Variants in COPE observed in about 807,000 individuals in gnomAD.
COPE encodes the protein coat protein complex I subunit epsilon.
In COPE, 19 loss-of-function variants were observed where a neutral mutation model predicts 42.1. The ratio of observed to expected loss-of-function variants is 0.45; its 90% CI spans 0.31 to 0.66. The LOEUF is 0.66. COPE is among the 30% of genes least tolerant of loss of function. COPE has a pLI of 0.05. For missense variants in COPE, 402 were observed against 416.1 expected (o/e 0.97, Z 0.30); for synonymous variants, 195 against 181.3 (o/e 1.08, Z -0.60).
chr19:18,900,241 G>A (rs1463156716), intron 8 of COPE, 140 bp downstream of exon 8: 3 of 716,974 alleles, frequency 4.2e-6, no homozygotes, highest in Admixed American at 2.9e-5. Flanking sequence ...GGGGGCACAG[G>A]GTTTGTGAGG....
chr19:18,914,538 C>A (rs1483300546), intron 1 of COPE, among the ~76,000 whole-genome samples: 1 of 151,786 alleles, frequency 6.6e-6, no homozygotes, highest in Admixed American at 6.6e-5. Context: ...AAGACTCCAT[C>A]TCAATAAAAA....
At chr19:18,912,534 G>A (rs1464693868) in intron 2 of COPE, among the ~76,000 whole-genome samples, 3 of 151,916 alleles carry the variant, frequency 2.0e-5, no homozygotes, top group Non-Finnish European at 4.4e-5. Flanking sequence ...TGAGGCAGGT[G>A]GATCATGAAG....
intron 1 of COPE, among the ~76,000 whole-genome samples, chr19:18,913,964 C>T (rs1194565913): frequency 6.6e-6 from 1 of 152,180 alleles, no homozygotes; most frequent in Non-Finnish European, 1.5e-5. Flanking sequence ...TCTCCCCAGC[C>T]TGAGGGAGGA....
intron 4 of COPE, chr19:18,906,647 G>A (rs1410770563): frequency 1.5e-5 from 4 of 265,016 alleles, no homozygotes; most frequent in South Asian, 7.9e-5. Context: ...GCCCAGGGCC[G>A]AGACACAGAA....
chr19:18,917,715 G>A (rs571597727), intron 1 of COPE, among the ~76,000 whole-genome samples: 4 of 152,112 alleles, frequency 2.6e-5, no homozygotes, highest in Non-Finnish European at 5.9e-5. Flanking sequence ...GTAAAACACA[G>A]AAAGACAGCT....
Position 18,907,000 on chromosome 19 carries a change from C to T in COPE, c.403G>A (p.Ala135Thr). Reference sequence around the variant, plus strand: ...CCCTGGTGCAGCGCACGCAGGGCGGCATCCGGGTTCTGGTCGTGGAGATAG... The same window carrying T: ...CCCTGGTGCAGCGCACGCAGGGCGGTATCCGGGTTCTGGTCGTGGAGATAG... ...SIYLHDQNPDAALRALHQGDS... is the reference protein window; with the variant it reads ...SIYLHDQNPDTALRALHQGDS... Residue 135 changes from alanine (A) to threonine (T), a missense_variant, in exon 4 of 10, where the codon GCC (alanine) becomes ACC (threonine). Ala to Thr is a moderately conservative substitution (Grantham distance 58). Transcript: ENST00000262812. 1 of 1,585,076 alleles carries T rather than the reference C, an allele frequency of 6.3e-7. No homozygotes were observed. The highest frequency in any genetic ancestry group is 8.6e-7 in the Non-Finnish European group (1 of 1,165,982).
intron 9 of COPE, 55 bp from the exon 10 acceptor site, chr19:18,899,781 G>A: frequency 6.2e-7 from 1 of 1,611,422 alleles, no homozygotes; most frequent in Non-Finnish European, 8.5e-7. Flanking sequence ...GGAGACAGGT[G>A]GAGGGAGAGA....
chr19:18,900,016 A>G (rs1358380592), intron 8 of COPE, 69 bp from the exon 9 acceptor site: 9 of 1,356,136 alleles, frequency 6.6e-6, no homozygotes, highest in Non-Finnish European at 9.1e-6. Flanking sequence ...CCTGCTGGAC[A>G]GGGGTGGATT....
At chr19:18,916,170 G>C (rs1294360309) in intron 1 of COPE, among the ~76,000 whole-genome samples, 1 of 152,098 alleles carries the variant, frequency 6.6e-6, no homozygotes, top group African/African-American at 2.4e-5. Context: ...GGGCAACAGA[G>C]CAAGACTCCA....
At chr19:18,907,180 C>T in intron 3 of COPE, 68 bp from the exon 4 acceptor site, 12 of 1,541,386 alleles carry the variant, frequency 7.8e-6, no homozygotes, top group Non-Finnish European at 9.6e-6. Context: ...GGGTCCCCTT[C>T]CTTGGAAGCA....
At chr19:18,904,292 A>T (rs1047814405) in intron 6 of COPE, among the ~76,000 whole-genome samples, 1 of 152,232 alleles carries the variant, frequency 6.6e-6, no homozygotes, top group Non-Finnish European at 1.5e-5. Context: ...AGGCCCACAC[A>T]AAAGAGTGGC....
In COPE at chr19:18,919,202, C is replaced by G. The variant is rs780006224; in HGVS notation, c.126+21G>C. The G allele has an allele frequency of 5.6e-6, 9 of 1,597,612 alleles. No individual in the cohort carries two copies. In the East Asian group the frequency reaches 6.7e-5, roughly 12 times the overall value. On this transcript the variant is annotated intron_variant, in intron 1 of 9. Transcript: ENST00000262812. The stretch of plus-strand genomic sequence containing the variant: ...CCTCCGCCTCCGCCCCCAGCGTCCC[C>G]GCGCCCCTGCGCGGCCGCACCTTCA...
At chr19:18,919,097 G>T in intron 1 of COPE, 126 bp downstream of exon 1, 1 of 935,780 alleles carries the variant, frequency 1.1e-6, no homozygotes, top group Non-Finnish European at 1.6e-6. Flanking sequence ...CTGAACTGTG[G>T]AAGAGGTGGC....
In COPE at chr19:18,911,011, C is replaced by T. The variant is rs377139497; in HGVS notation, c.250G>A (p.Val84Met). Reference sequence around the variant, plus strand: ...GCGAGGTAGTCAGCAAACATGCGCACGGCCTGGAGCTCAGGGGCCGAGGAG... The same window carrying T: ...GCGAGGTAGTCAGCAAACATGCGCATGGCCTGGAGCTCAGGGGCCGAGGAG... ...KPSSAPELQA[V>M]RMFADYLAHE... is the part of the protein sequence containing the mutation. Residue 84 changes from valine to methionine, a missense_variant, in exon 3 of 10, where the codon GTG (valine) becomes ATG (methionine). Val to Met is a conservative substitution (Grantham distance 21). Coordinates refer to ENST00000262812, the MANE Select transcript of COPE (RefSeq NM_007263.4). 19 of 1,613,892 alleles carry T rather than the reference C, an allele frequency of 1.2e-5. No homozygotes were observed. Among genetic ancestry groups the T allele is most frequent in the Admixed American group, 5.0e-5 (3 of 60,006 alleles).
Position 18,905,627 on chromosome 19 carries a change from G to A in COPE, c.446C>T (p.Thr149Ile). The change falls in exon 5 of 10, where the codon ACA (threonine) becomes ATA (isoleucine). Residue 149 changes from threonine to isoleucine, a missense_variant and splice_region_variant. By Grantham distance (89) the Thr-to-Ile change is moderately conservative (BLOSUM62 -1). Transcript: ENST00000262812. ...CAGCAGGATCTGCACTGTCATGGCT[G>A]TGCTGCAGGACAGGGCGAGGGGGCG... ...ALHQGDSLEC[T>I]AMTVQILLKL... 1 of 1,592,670 alleles carries A rather than the reference G, an allele frequency of 6.3e-7. No individual in the cohort carries two copies. The highest frequency in any genetic ancestry group is 8.5e-7 in the Non-Finnish European group (1 of 1,177,476).
At chr19:18,905,448 C>T in intron 5 of COPE, 128 bp downstream of exon 5, 1 of 958,456 alleles carries the variant, frequency 1.0e-6, no homozygotes, top group Non-Finnish European at 1.5e-6. Flanking sequence ...CGACAGCAAG[C>T]CACCCCCATG....
At chr19:18,906,308 G>A (rs1296358359) in intron 4 of COPE, 3 of 212,074 alleles carry the variant, frequency 1.4e-5, no homozygotes, top group South Asian at 1.9e-4. Context: ...TCCTGCTTCC[G>A]CCTCCCAAGT....
chr19:18,905,452 C>A (rs1337610991), intron 5 of COPE, 124 bp downstream of exon 5: 5 of 992,126 alleles, frequency 5.0e-6, no homozygotes, highest in Admixed American at 3.0e-5. Flanking sequence ...AGCAAGCCAC[C>A]CCCATGGAAA....
At chr19:18,917,499 G>A (rs1021083020) in intron 1 of COPE, among the ~76,000 whole-genome samples, 2 of 151,844 alleles carry the variant, frequency 1.3e-5, no homozygotes, top group African/African-American at 2.4e-5. Context: ...CTCCCAAGTA[G>A]CTGGGATTAA....
Sources: allele counts gnomAD v4.1 joint callset (sites outside exome capture counted in the v4.1 genomes callset), GRCh38; gene constraint gnomAD v4.1.1; transcripts MANE v1.5; gene names NCBI Gene and HGNC (gene_info 2026-07-23, HGNC 2026-07-21).